PPP1R21: variants seen among roughly 807,000 people sequenced by gnomAD.
PPP1R21 encodes the protein KLRAQ motif containing 1.
A neutral mutation model predicts 112.8 loss-of-function variants in PPP1R21; 85 were observed. The observed-to-expected ratio is 0.75, with a 90% CI of 0.63 to 0.90. The LOEUF is 0.90. Ranked by LOEUF, PPP1R21 falls within the 40% of genes least tolerant of loss-of-function variation. PPP1R21 has a pLI of 0.00. For missense variants in PPP1R21, 1,199 were observed against 901.5 expected, an observed-to-expected ratio of 1.33 and a Z score of -4.23; for synonymous variants, 381 against 322.3, an observed-to-expected ratio of 1.18 and a Z score of -1.95.
At chr2:48,490,885 T>C (rs1259477615) in intron 14 of PPP1R21, 133 bp from the exon 15 acceptor site, 4 of 701,908 alleles carry the variant, frequency 5.7e-6, no homozygotes, top group Non-Finnish European at 9.5e-6. Flanking sequence ...ATGTGGACTT[T>C]GGGGCAGGTG....
At chr2:48,502,633 A>C (rs1558518365) in intron 17 of PPP1R21, among the ~76,000 whole-genome samples, 1 of 150,836 alleles carries the variant, frequency 6.6e-6, no homozygotes, top group Non-Finnish European at 1.5e-5. Context: ...ACTTTGGTTC[A>C]GTCACTTTGA....
At chr2:48,472,002 G>A (rs1228081044) in intron 11 of PPP1R21, among the ~76,000 whole-genome samples, 2 of 152,040 alleles carry the variant, frequency 1.3e-5, no homozygotes, top group Admixed American at 6.6e-5. Flanking sequence ...CACTTTGGGA[G>A]GCTGAGGTGG....
chr2:48,508,559 A>T (rs977347394), intron 19 of PPP1R21, among the ~76,000 whole-genome samples: 9 of 152,236 alleles, frequency 5.9e-5, no homozygotes, highest in African/African-American at 2.2e-4. Flanking sequence ...GGGGGAGGAC[A>T]GCAAACTGAA....
intron 15 of PPP1R21, among the ~76,000 whole-genome samples, chr2:48,494,616 A>G (rs988267656): frequency 6.6e-6 from 1 of 151,908 alleles, no homozygotes; most frequent in African/African-American, 2.4e-5. Context: ...GGGTTTCACC[A>G]TGTTGGTCAG....
In PPP1R21 at chr2:48,468,378, T is replaced by C. The variant is rs1668298518; in HGVS notation, c.898-2709T>C. On this transcript the variant is annotated intron_variant, in intron 9 of 21. Transcript: ENST00000294952. ...TCTGACTCTACACGTCTATTGAAGT[T>C]TGTAAAAATTAAACATTGGGCCTTT... Among the ~76,000 whole-genome samples the C allele has an allele frequency of 2.6e-5, 4 of 152,200 alleles. No individual in the cohort carries two copies. In the South Asian group the frequency reaches 8.3e-4, roughly 31 times the overall value.
chr2:48,464,787 C>A, intron 7 of PPP1R21, 150 bp from the exon 8 acceptor site: 1 of 539,360 alleles, frequency 1.9e-6, no homozygotes, highest in Non-Finnish European at 3.2e-6. Flanking sequence ...ACCACTGATT[C>A]TATGTAAATT....
At chr2:48,470,543 G>A (rs11680254) in intron 9 of PPP1R21, among the ~76,000 whole-genome samples, 33,565 of 149,686 alleles carry the variant, frequency 0.22, 4,101 homozygotes, top group African/African-American at 0.26. Flanking sequence ...AAAGGTTTCT[G>A]TATCCTCATT....
intron 15 of PPP1R21, among the ~76,000 whole-genome samples, chr2:48,495,277 C>T (rs1037141842): frequency 1.3e-5 from 2 of 152,092 alleles, no homozygotes; most frequent in African/African-American, 4.8e-5. Context: ...AATCTCTGCT[C>T]ACTGCAACCT....
chr2:48,499,454 G>A (rs1304713852), intron 17 of PPP1R21, among the ~76,000 whole-genome samples: 1 of 152,166 alleles, frequency 6.6e-6, no homozygotes, highest in Non-Finnish European at 1.5e-5. Context: ...CGAGAGTGAT[G>A]GCTTATGCCT....
intron 2 of PPP1R21, among the ~76,000 whole-genome samples, chr2:48,451,554 A>G (rs1010858755): frequency 2.0e-5 from 3 of 152,134 alleles, no homozygotes; most frequent in African/African-American, 4.8e-5. Flanking sequence ...TAATCAGGAC[A>G]CTCTTTGAGT....
At chr2:48,460,383 G>T (rs1667923170) in intron 6 of PPP1R21, among the ~76,000 whole-genome samples, 1 of 152,166 alleles carries the variant, frequency 6.6e-6, no homozygotes, top group Non-Finnish European at 1.5e-5. Flanking sequence ...GGCAGATCGT[G>T]TTCTGGAGCT....
At chr2:48,497,635 A>G (rs747259817) in intron 16 of PPP1R21, among the ~76,000 whole-genome samples, 42 of 151,106 alleles carry the variant, frequency 2.8e-4, no homozygotes, top group Non-Finnish European at 5.3e-4. Context: ...TTACTTTTGC[A>G]CCAACCTATA....
chr2:48,455,398 C>T (rs1340480552), intron 3 of PPP1R21, among the ~76,000 whole-genome samples: 1 of 151,992 alleles, frequency 6.6e-6, no homozygotes, highest in East Asian at 2.0e-4. Context: ...TCGCCTCAGC[C>T]TCCCAAAGTG....
intron 2 of PPP1R21, among the ~76,000 whole-genome samples, chr2:48,451,844 C>T (rs116278971): frequency 0.015 from 2,322 of 152,236 alleles, 32 homozygotes; most frequent in Non-Finnish European, 0.024. Context: ...TTTGGATAAG[C>T]CCCTGATCAG....
intron 11 of PPP1R21, among the ~76,000 whole-genome samples, chr2:48,473,669 A>C (rs72872742): frequency 0.012 from 1,795 of 152,324 alleles, 36 homozygotes; most frequent in African/African-American, 0.041. Flanking sequence ...GCTATAAATA[A>C]AGTAGAAGAG....
chr2:48,475,886 T>A (rs1237667058), intron 12 of PPP1R21, among the ~76,000 whole-genome samples: 1 of 152,140 alleles, frequency 6.6e-6, no homozygotes, highest in East Asian at 1.9e-4. Context: ...ATGGACCTCA[T>A]TTTAAATGAC....
intron 13 of PPP1R21, among the ~76,000 whole-genome samples, chr2:48,482,093 T>G (rs1445064932): frequency 1.3e-5 from 2 of 152,180 alleles, no homozygotes; most frequent in African/African-American, 4.8e-5. Flanking sequence ...GTCCTAAGCT[T>G]TTTGGATAAG....
chr2:48,465,475 A>T lies in PPP1R21; in HGVS notation c.748-18A>T. The T allele has an allele frequency of 6.2e-7, 1 of 1,600,670 alleles. No homozygotes were observed. Among genetic ancestry groups the T allele is most frequent in the Non-Finnish European group, 8.5e-7 (1 of 1,176,042 alleles). Reference sequence around the variant, plus strand: ...TAATTTGAGAGTTGACCTTAACTATATATTTTTCATTTTAAAGCTGAAGAT... The same window carrying T: ...TAATTTGAGAGTTGACCTTAACTATTTATTTTTCATTTTAAAGCTGAAGAT... On this transcript the variant is annotated intron_variant, in intron 8 of 21. Coordinates refer to ENST00000294952, the MANE Select transcript of PPP1R21 (RefSeq NM_001135629.3).
chr2:48,467,315 A>C (rs1412728202), intron 9 of PPP1R21, among the ~76,000 whole-genome samples: 1 of 152,248 alleles, frequency 6.6e-6, no homozygotes, highest in Non-Finnish European at 1.5e-5. Context: ...AAGGTAGCTT[A>C]CAAAATTTCA....
Sources: allele counts gnomAD v4.1 joint callset (sites outside exome capture counted in the v4.1 genomes callset), GRCh38; gene constraint gnomAD v4.1.1; transcripts MANE v1.5; gene names NCBI Gene and HGNC (gene_info 2026-07-23, HGNC 2026-07-21).